Variants in MSANTD4 observed in about 807,000 individuals in gnomAD.
The protein encoded by MSANTD4 is myb/SANT-like DNA-binding domain-containing protein 4.
In MSANTD4, 13 loss-of-function variants were observed where a neutral mutation model predicts 34.3. The ratio of observed to expected loss-of-function variants is 0.38; its 90% confidence interval spans 0.25 to 0.60. MSANTD4 has a LOEUF of 0.60. Ranked by LOEUF, MSANTD4 falls within the 20% of genes least tolerant of loss-of-function variation. The probability of loss-of-function intolerance (pLI) is 0.63; values close to 1 mark genes in which losing one functional copy is unlikely to be tolerated. For synonymous variants in MSANTD4, 137 were observed against 145.2 expected, an observed-to-expected ratio of 0.94 and a Z score of 0.41; for missense variants, 358 against 401.8, an observed-to-expected ratio of 0.89 and a Z score of 0.93.
At chr11:106,011,453 T>G (rs1004809257) in intron 1 of MSANTD4, among the ~76,000 whole-genome samples, 1 of 152,228 alleles carries the variant, frequency 6.6e-6, no homozygotes, top group East Asian at 1.9e-4. Flanking sequence ...TGCTCCCTTC[T>G]CGGTCTATTT....
rs943483193 is a variant in MSANTD4, at chr11:106,021,628, T to G, written c.-817A>C. ...GGCTTTCCCCTCCCCTATATTCTTATAGGGGATTCACTTCCCTGCCAAAAA... is the reference window on the plus strand; with the variant it reads ...GGCTTTCCCCTCCCCTATATTCTTAGAGGGGATTCACTTCCCTGCCAAAAA... On this transcript the variant is annotated 5_prime_UTR_variant, in exon 1 of 3. Transcript: ENST00000301919. 2 of 152,186 alleles carry G rather than the reference T, an allele frequency of 1.3e-5. No individual in the cohort carries two copies. Among genetic ancestry groups the G allele is most frequent in the Non-Finnish European group, 2.9e-5 (2 of 68,044 alleles). 9.4% of individuals were successfully genotyped at this position (152,186 alleles called of 1,614,324 possible).
rs1177741904 is a variant in MSANTD4 at position 106,010,688 on chromosome 11, C to T, written c.230G>A (p.Arg77Gln). 1.9e-6 allele frequency: 3 copies of T among 1,614,090 alleles called. No individual in the cohort carries two copies. The highest frequency in any genetic ancestry group is 1.7e-6 in the Non-Finnish European group (2 of 1,180,010). Reference protein sequence around the residue: ...TEVKRRYLDWRALMKRKRMKA... With the variant: ...TEVKRRYLDWQALMKRKRMKA... ...CATCCTCTTTCTCTTCATAAGTGCTCGCCAGTCAAGGTACCTTCTTTTCAC... is the reference window on the plus strand; with the variant it reads ...CATCCTCTTTCTCTTCATAAGTGCTTGCCAGTCAAGGTACCTTCTTTTCAC... The change falls in exon 2 of 3, where the codon CGA becomes CAA. Residue 77 changes from arginine (R) to glutamine (Q), a missense_variant. Arg to Gln is a conservative substitution (Grantham distance 43, BLOSUM62 1). This residue lies in a region of MSANTD4 where 312 missense variants were observed against 317.6 expected (regional missense o/e 0.98). Transcript: ENST00000301919.
chr11:106,019,176 T>A (rs769259803), intron 1 of MSANTD4, among the ~76,000 whole-genome samples: 6 of 152,156 alleles, frequency 3.9e-5, no homozygotes, highest in Non-Finnish European at 8.8e-5. Context: ...CCAATCCACC[T>A]TCCTCATCAA....
At position 106,009,540 on chromosome 11, in the gene MSANTD4, G is replaced by T. The variant is rs183171413; in HGVS notation, c.1033C>A (p.Gln345Lys). The change falls in exon 3 of 3, where the codon CAG becomes AAG. Residue 345 changes from glutamine (Q) to lysine (K), a missense_variant. Around this residue, in one of 2 missense-constraint regions of MSANTD4, gnomAD observed 312 missense variants for 317.6 expected, o/e 0.98. Coordinates refer to ENST00000301919, the MANE Select transcript of MSANTD4 (RefSeq NM_032424.3). ...TAAATGGAAGCCTGGAAAAATCACTGCAAGTGTCCTTCTTTCTGAATTCGA... is the reference window on the plus strand; with the variant it reads ...TAAATGGAAGCCTGGAAAAATCACTTCAAGTGTCCTTCTTTCTGAATTCGA... ...RLRIQKEGHL[Q>K] The T allele has an allele frequency of 5.6e-6, 9 of 1,596,474 alleles. No individual in the cohort carries two copies. The African/African-American group carries it at 1.1e-4, about 19-fold the overall frequency.
At chr11:106,018,104 C>G (rs1859910338) in intron 1 of MSANTD4, among the ~76,000 whole-genome samples, 1 of 151,980 alleles carries the variant, frequency 6.6e-6, no homozygotes, top group Non-Finnish European at 1.5e-5. Flanking sequence ...TTAAAATTTC[C>G]TAGTGATCCC....
chr11:106,011,454 C>T (rs1015745840), intron 1 of MSANTD4, among the ~76,000 whole-genome samples: 6 of 152,190 alleles, frequency 3.9e-5, no homozygotes, highest in East Asian at 3.9e-4. Context: ...GCTCCCTTCT[C>T]GGTCTATTTT....
rs759242697 is a variant in MSANTD4 at position 106,010,039 on chromosome 11, G to A, written c.534C>T (p.Pro178=). 33 of 1,600,354 alleles carry A rather than the reference G, an allele frequency of 2.1e-5. No individual in the cohort carries two copies. The highest frequency in any genetic ancestry group is 4.5e-5 in the East Asian group (2 of 44,840). The change falls in exon 3 of 3, where the codon CCC becomes CCT. Residue 178 remains proline, a synonymous_variant. Transcript: ENST00000301919. ...IPDSRRENEL[P]DFPHIDEFFT... is the part of the protein sequence containing the mutation. ...AAAACTCATCAATGTGGGGGAAATCGGGAAGTTCATTTTCTCTCCTGGAAT... is the reference window on the plus strand; with the variant it reads ...AAAACTCATCAATGTGGGGGAAATCAGGAAGTTCATTTTCTCTCCTGGAAT...
intron 1 of MSANTD4, among the ~76,000 whole-genome samples, chr11:106,019,511 T>C (rs1859966006): frequency 6.6e-6 from 1 of 152,172 alleles, no homozygotes; most frequent in East Asian, 1.9e-4. Flanking sequence ...CTATCACACA[T>C]ATATTTCCCC....
intron 1 of MSANTD4, among the ~76,000 whole-genome samples, chr11:106,018,550 A>T (rs1032682165): frequency 6.6e-6 from 1 of 152,160 alleles, no homozygotes; most frequent in African/African-American, 2.4e-5. Flanking sequence ...CAATGTTAAG[A>T]GTTTACTTGG....
rs1011083111 is a variant in MSANTD4, at chr11:106,017,277, C to T, written c.-151+3685G>A. On this transcript the variant is annotated intron_variant, in intron 1 of 2. Coordinates refer to ENST00000301919, the MANE Select transcript of MSANTD4 (RefSeq NM_032424.3). ...GTTCACAGATCAACTTAGGAACATT[C>T]GCAGACACAGAACATCCTATGCTCT... Among the ~76,000 whole-genome samples the T allele has an allele frequency of 2.6e-5, 4 of 152,170 alleles. No homozygotes were observed. In the East Asian group the frequency reaches 5.8e-4, roughly 22 times the overall value.
chr11:106,016,228 A>T (rs1027078148), intron 1 of MSANTD4, among the ~76,000 whole-genome samples: 9 of 152,194 alleles, frequency 5.9e-5, no homozygotes, highest in African/African-American at 1.9e-4. Context: ...ATGTAATTCA[A>T]ATTATCCAAT....
intron 1 of MSANTD4, among the ~76,000 whole-genome samples, chr11:106,011,564 C>G (rs1280536779): frequency 6.6e-6 from 1 of 152,156 alleles, no homozygotes; most frequent in Non-Finnish European, 1.5e-5. Flanking sequence ...ATTACTCCAG[C>G]ATAAAATTTG....
intron 2 of MSANTD4, 22 bp downstream of exon 2, chr11:106,010,434 G>C (rs766699959): frequency 6.3e-7 from 1 of 1,574,978 alleles, no homozygotes; most frequent in South Asian, 1.2e-5. Flanking sequence ...GATTAAAAGA[G>C]GGTACAGAGG....
chr11:106,009,335 T>A lies in MSANTD4; in HGVS notation c.*200A>T, dbSNP rs1039373872. ...TTATAAGGTAAAGAGTCCAGCACAG[T>A]AAGTTTCTGCTATACTGTTTACGCT... On this transcript the variant is annotated 3_prime_UTR_variant, in exon 3 of 3. Transcript: ENST00000301919. 1.8e-6 allele frequency: 1 copy of A among 547,452 alleles called. No homozygotes were observed. The highest frequency in any genetic ancestry group is 2.9e-5 in the East Asian group (1 of 34,564). 33.9% of individuals were successfully genotyped at this position (547,452 alleles called of 1,614,324 possible). A position where few individuals can be genotyped will look rare whatever the true frequency, so the allele number is the denominator to read the frequency against.
intron 1 of MSANTD4, 58 bp from the exon 2 acceptor site, chr11:106,011,125 A>G (rs1859678010): frequency 3.8e-6 from 3 of 787,066 alleles, no homozygotes; most frequent in Non-Finnish European, 5.6e-6. Context: ...ACATACTTCA[A>G]CCTAATGAAC....
In MSANTD4 at chr11:106,009,441, G is replaced by T; in HGVS notation, c.*94C>A. The T allele has an allele frequency of 8.0e-7, 1 of 1,250,570 alleles. No homozygotes were observed. Among genetic ancestry groups the T allele is most frequent in the Non-Finnish European group, 1.1e-6 (1 of 902,862 alleles). 77.5% of individuals were successfully genotyped at this position (1,250,570 alleles called of 1,614,324 possible). On this transcript the variant is annotated 3_prime_UTR_variant, in exon 3 of 3. Coordinates refer to ENST00000301919, the MANE Select transcript of MSANTD4 (RefSeq NM_032424.3). ...CCTACTGAACACTGACATTAGACAA[G>T]AAACCACAGCTAATCCAGCAACCAT...
intron 1 of MSANTD4, among the ~76,000 whole-genome samples, chr11:106,015,752 C>T (rs75555896): frequency 9.0e-4 from 137 of 151,836 alleles, no homozygotes; most frequent in African/African-American, 3.2e-3. Context: ...TATTAGAACA[C>T]TCCAGCTATA....
At chr11:106,012,691 C>T (rs1228750887) in intron 1 of MSANTD4, among the ~76,000 whole-genome samples, 1 of 152,180 alleles carries the variant, frequency 6.6e-6, no homozygotes, top group African/African-American at 2.4e-5. Context: ...TGGGAACTCT[C>T]GAAGTGGGAC....
At chr11:106,013,467 C>T (rs1319530578) in intron 1 of MSANTD4, among the ~76,000 whole-genome samples, 2 of 152,148 alleles carry the variant, frequency 1.3e-5, no homozygotes, top group Non-Finnish European at 2.9e-5. Context: ...TTAATTTGCC[C>T]ACAACACAGC....
Sources: allele counts gnomAD v4.1 joint callset (sites outside exome capture counted in the v4.1 genomes callset), GRCh38; gene constraint gnomAD v4.1.1; regional missense constraint gnomAD v4.1.1; transcripts MANE v1.5; gene names NCBI Gene and HGNC (gene_info 2026-07-23, HGNC 2026-07-21).